The following SIK2 variants were observed in gnomAD, a reference collection of about 807,000 sequenced individuals.
SIK2 encodes salt inducible kinase 2, also known as serine/threonine-protein kinase SIK2.
In SIK2, 29 loss-of-function variants were observed where a neutral mutation model predicts 103.2. The ratio of observed to expected loss-of-function variants is 0.28; its 90% confidence interval spans 0.21 to 0.38. The LOEUF is 0.38. Among genes scored for constraint, SIK2 ranks in the 10% least tolerant of loss-of-function variants. SIK2 has a pLI of 1.00. For missense variants in SIK2, 879 were observed against 1,171.0 expected, an observed-to-expected ratio of 0.75 and a Z score of 3.64; for synonymous variants, 412 against 446.1, an observed-to-expected ratio of 0.92 and a Z score of 0.96.
chr11:111,666,311 C>T (rs1391095357), intron 3 of SIK2, among the ~76,000 whole-genome samples: 2 of 152,122 alleles, frequency 1.3e-5, no homozygotes, highest in Non-Finnish European at 2.9e-5. Flanking sequence ...TATGGTATTG[C>T]TTCTCTGTTA....
intron 1 of SIK2, among the ~76,000 whole-genome samples, chr11:111,615,248 C>T (rs1018823462): frequency 3.4e-5 from 5 of 145,014 alleles, no homozygotes; most frequent in African/African-American, 1.3e-4. Context: ...GCCAGGAATT[C>T]AAGGCCAGCC....
chr11:111,602,451 G>A lies in SIK2; in HGVS notation c.-113G>A, dbSNP rs1941594720. The stretch of plus-strand genomic sequence containing the variant: ...CTGGGCCCTGGGGAGCGGGAGGGAA[G>A]GAGCGAAGGAGCGAAGGAGCAAGCG... On this transcript the variant is annotated 5_prime_UTR_variant, in exon 1 of 15. Coordinates refer to ENST00000304987, the MANE Select transcript of SIK2 (RefSeq NM_015191.3). This position sits in a 1 kb window ranked among gnomAD's most constrained non-coding sequence, Gnocchi z 4.5. 6 of 1,192,392 alleles carry A rather than the reference G, an allele frequency of 5.0e-6. No homozygotes were observed. Among genetic ancestry groups the A allele is most frequent in the Non-Finnish European group, 6.6e-6 (6 of 914,412 alleles). 73.9% of individuals were successfully genotyped at this position (1,192,392 alleles called of 1,614,324 possible).
chr11:111,711,329 G>T lies in SIK2; in HGVS notation c.1102-882G>T, dbSNP rs138468136. On this transcript the variant is annotated intron_variant, in intron 8 of 14. Transcript: ENST00000304987. Reference sequence around the variant, plus strand: ...GTAGAGACGGGGTTTCACCATGTTAGCCAGGATGGTCTCGATCTCCTGATC... The same window carrying T: ...GTAGAGACGGGGTTTCACCATGTTATCCAGGATGGTCTCGATCTCCTGATC... 6.7e-3 allele frequency among the ~76,000 whole-genome samples: 1,021 copies of T among 152,194 alleles called. 33 individuals are homozygous for T. Among genetic ancestry groups the T allele is most frequent in the Admixed American group, 0.048 (730 of 15,290 alleles).
rs960851770 is a variant in SIK2, at chr11:111,724,197, T to C, written c.*68T>C. Reference sequence around the variant, plus strand: ...TATGTTCCTATTTTTATTCCAGCCTTTTAAATTTAAAGCTTATTTTCTTGC... The same window carrying C: ...TATGTTCCTATTTTTATTCCAGCCTCTTAAATTTAAAGCTTATTTTCTTGC... On this transcript the variant is annotated 3_prime_UTR_variant, in exon 15 of 15. Transcript: ENST00000304987. 8.3e-5 allele frequency: 126 copies of C among 1,524,786 alleles called. No homozygotes were observed. Among genetic ancestry groups the C allele is most frequent in the Admixed American group, 2.0e-4 (10 of 50,366 alleles). The allele number at this position is 1,524,786 out of a possible 1,614,324, so 94.5% of individuals were successfully genotyped here.
chr11:111,639,300 C>T (rs1942151094), intron 3 of SIK2, among the ~76,000 whole-genome samples: 1 of 152,066 alleles, frequency 6.6e-6, no homozygotes, highest in Admixed American at 6.6e-5. Context: ...TCTGCATAGT[C>T]CCTCTTCTCC....
intron 6 of SIK2, 25 bp from the exon 7 acceptor site, chr11:111,703,177 CT>C (rs1439772590): frequency 6.2e-7 from 1 of 1,607,268 alleles, no homozygotes; most frequent in African/African-American, 1.3e-5. Flanking sequence ...ATTCTTGTGA[CT>C]TTTGTAACAT....
Position 111,614,545 on chromosome 11 carries a change from A to G in SIK2, c.136-1698A>G, listed in dbSNP as rs534449981. ...AGAAAATGTTAAGAAAATAACAAGG[A>G]AAATACATTTATTACTCATTAAGTG... On this transcript the variant is annotated intron_variant, in intron 1 of 14. Coordinates refer to ENST00000304987, the MANE Select transcript of SIK2 (RefSeq NM_015191.3). Among the ~76,000 whole-genome samples, 26 of 152,360 alleles carry G rather than the reference A, an allele frequency of 1.7e-4. 2 individuals are homozygous for G. In the South Asian group the frequency reaches 5.4e-3, roughly 32 times the overall value.
intron 3 of SIK2, among the ~76,000 whole-genome samples, chr11:111,681,481 T>C (rs183236026): frequency 6.6e-6 from 1 of 152,222 alleles, no homozygotes; most frequent in South Asian, 2.1e-4. Context: ...AGAAATGATA[T>C]TTCAATATGT....
chr11:111,688,109 A>T lies in SIK2; in HGVS notation c.425A>T (p.Asp142Val). Residue 142 changes from aspartate to valine, a missense_variant, in exon 4 of 15, where the codon GAC becomes GTC. By Grantham distance (152) the Asp-to-Val change is radical. Coordinates refer to ENST00000304987, the MANE Select transcript of SIK2 (RefSeq NM_015191.3). This position sits in a 1 kb window ranked among gnomAD's most constrained non-coding sequence, Gnocchi z 4.2. ...YCHGRKIVHR[D>V]LKAENLLLDN... ...CATGGTCGGAAGATTGTGCACCGTGACCTCAAAGCTGAAAATCTCCTGCTG... is the reference window on the plus strand; with the variant it reads ...CATGGTCGGAAGATTGTGCACCGTGTCCTCAAAGCTGAAAATCTCCTGCTG... 6.2e-7 allele frequency: 1 copy of T among 1,614,052 alleles called. No homozygotes were observed. The highest frequency in any genetic ancestry group is 8.5e-7 in the Non-Finnish European group (1 of 1,180,006).
chr11:111,716,152 C>T (rs1943636280), intron 9 of SIK2, among the ~76,000 whole-genome samples: 2 of 152,112 alleles, frequency 1.3e-5, no homozygotes, highest in Admixed American at 1.3e-4. Context: ...TCCGAATTAC[C>T]CCCTTCATAG....
rs185177690 is a variant in SIK2, at chr11:111,727,510, G to T, written c.*3381G>T. 5.9e-6 allele frequency: 1 copy of T among 170,650 alleles called. No homozygotes were observed. Among genetic ancestry groups the T allele is most frequent in the Non-Finnish European group, 1.3e-5 (1 of 78,608 alleles). The allele number at this position is 170,650 out of a possible 1,614,324, so 10.6% of individuals were successfully genotyped here. A position where few individuals can be genotyped will look rare whatever the true frequency, so the allele number is the denominator to read the frequency against. ...GGAGTAATGGGGTGCTCTGCATTTT[G>T]ATGGGGAGCAAGGGGGGACCCCCCC... On this transcript the variant is annotated 3_prime_UTR_variant, in exon 15 of 15. Transcript: ENST00000304987.
chr11:111,641,473 A>G (rs966280964), intron 3 of SIK2, among the ~76,000 whole-genome samples: 4 of 152,122 alleles, frequency 2.6e-5, no homozygotes, highest in Non-Finnish European at 5.9e-5. Flanking sequence ...ATATCTAATT[A>G]GTTGCTTAGT....
intron 3 of SIK2, among the ~76,000 whole-genome samples, chr11:111,639,033 G>A (rs932584796): frequency 6.6e-6 from 1 of 152,074 alleles, no homozygotes; most frequent in Non-Finnish European, 1.5e-5. Flanking sequence ...GTTAGTGTTG[G>A]GGTTGCAGTA....
chr11:111,630,428 A>G (rs1942022162), intron 3 of SIK2, among the ~76,000 whole-genome samples: 1 of 152,162 alleles, frequency 6.6e-6, no homozygotes, highest in Admixed American at 6.5e-5. Context: ...ATTACCTCAT[A>G]TAGTTAACCA....
rs55889697 is a variant in SIK2 at position 111,723,822 on chromosome 11, C to T, written c.2474C>T (p.Pro825Leu). 254 of 1,613,524 alleles carry T rather than the reference C, an allele frequency of 1.6e-4. No homozygotes were observed. The highest frequency in any genetic ancestry group is 2.1e-4 in the Non-Finnish European group (242 of 1,179,876). Residue 825 changes from proline to leucine, a missense_variant, in exon 15 of 15, where the codon CCG (proline) becomes CTG (leucine). Physicochemically the swap from Pro to Leu is moderately conservative, Grantham distance 98. Around this residue, in one of 7 missense-constraint regions of SIK2, gnomAD observed 375 missense variants for 416.3 expected, o/e 0.90. Coordinates refer to ENST00000304987, the MANE Select transcript of SIK2 (RefSeq NM_015191.3). Reference protein sequence around the residue: ...PTQLQQQQPPPPPPPPPPRQP... With the variant: ...PTQLQQQQPPLPPPPPPPRQP... The stretch of plus-strand genomic sequence containing the variant: ...CAGCTACAGCAGCAGCAGCCGCCAC[C>T]GCCACCACCCCCTCCACCACCACGA...
intron 1 of SIK2, among the ~76,000 whole-genome samples, chr11:111,606,341 A>G (rs1395182241): frequency 6.6e-6 from 1 of 152,060 alleles, no homozygotes; most frequent in African/African-American, 2.4e-5. Context: ...AGTGAACAAA[A>G]AAGTATACAT....
At chr11:111,606,900 G>A (rs970296448) in intron 1 of SIK2, among the ~76,000 whole-genome samples, 2 of 151,364 alleles carry the variant, frequency 1.3e-5, no homozygotes, top group African/African-American at 4.9e-5. Flanking sequence ...GGTTGCTTGA[G>A]GCCAGGAGTT....
chr11:111,698,297 G>A lies in SIK2; in HGVS notation c.479-2589G>A, dbSNP rs189693882. Among the ~76,000 whole-genome samples the A allele has an allele frequency of 1.6e-3, 250 of 152,316 alleles. 3 individuals are homozygous for A. The highest frequency in any genetic ancestry group is 0.015 in the Admixed American group (228 of 15,304). On this transcript the variant is annotated intron_variant, in intron 4 of 14. Coordinates refer to ENST00000304987, the MANE Select transcript of SIK2 (RefSeq NM_015191.3). The stretch of plus-strand genomic sequence containing the variant: ...AAGTGTTCCCAGCTCTTGTTCTCTT[G>A]CCTGTGAAGTGTACTATGAGAGCCT...
chr11:111,721,739 C>T, intron 12 of SIK2, 91 bp from the exon 13 acceptor site: 2 of 914,762 alleles, frequency 2.2e-6, no homozygotes, highest in Admixed American at 2.8e-5. Context: ...GTTGGTATTC[C>T]TATTGGACAT....
Sources: gnomAD v4.1 joint callset for allele counts (sites outside exome capture counted in the v4.1 genomes callset) on GRCh38, gnomAD v4.1.1 for gene constraint, gnomAD v4.1.1 regional missense constraint, Gnocchi (gnomAD v3.1) non-coding constraint, MANE v1.5 for transcripts, NCBI Gene and HGNC (gene_info 2026-07-23, HGNC 2026-07-21) for gene names.